Variants in CEP290 observed in about 807,000 individuals in gnomAD.
CEP290 encodes centrosomal protein 290.
A neutral mutation model predicts 344.9 loss-of-function variants in CEP290; 317 were observed. The observed-to-expected ratio is 0.92, with a 90% CI of 0.84 to 1.01. The LOEUF is 1.01. Ranked by LOEUF, CEP290 falls within the 50% of genes least tolerant of loss-of-function variation. The probability of loss-of-function intolerance (pLI) is 0.00; values close to 1 mark genes in which losing one functional copy is unlikely to be tolerated. For synonymous variants in CEP290, 932 were observed against 895.8 expected (o/e 1.04, Z -0.72); for missense variants, 2,754 against 2,761.4 (o/e 1.00, Z 0.06).
In CEP290 at chr12:88,130,344, C is replaced by G. The variant is rs761225738; in HGVS notation, c.593G>C (p.Arg198Thr). ...TGATCGGTAGTCACTGTCTTCCCCT[C>G]TTCTTGATAAAAGTGTTTCTTTCTG... ...DSQKETLLSRRGEDSDYRSQL... is the reference protein window; with the variant it reads ...DSQKETLLSRTGEDSDYRSQL... Residue 198 changes from arginine (R) to threonine (T), a missense_variant, in exon 9 of 54, where the codon AGA becomes ACA. Transcript: ENST00000552810. 1 of 1,610,168 alleles carries G rather than the reference C, an allele frequency of 6.2e-7. No individual in the cohort carries two copies. The highest frequency in any genetic ancestry group is 8.5e-7 in the Non-Finnish European group (1 of 1,178,500).
In CEP290 at chr12:88,068,568, T is replaced by G; in HGVS notation, c.6089A>C (p.His2030Pro). The G allele has an allele frequency of 6.3e-7, 1 of 1,587,590 alleles. No individual in the cohort carries two copies. Among genetic ancestry groups the G allele is most frequent in the Non-Finnish European group, 8.6e-7 (1 of 1,168,396 alleles). Residue 2030 changes from histidine (H) to proline (P), a missense_variant, in exon 44 of 54, where the codon CAT becomes CCT. His to Pro is a moderately conservative substitution (Grantham distance 77). Coordinates refer to ENST00000552810, the MANE Select transcript of CEP290 (RefSeq NM_025114.4). ...LQNRYLQEKLHALEKQFSKDT... is the reference protein window; with the variant it reads ...LQNRYLQEKLPALEKQFSKDT... ...CTTTGAAAACTGTTTTTCTAAAGCATGAAGTTTTTCTTGGAGGTATCTATT... is the reference window on the plus strand; with the variant it reads ...CTTTGAAAACTGTTTTTCTAAAGCAGGAAGTTTTTCTTGGAGGTATCTATT...
Position 88,129,759 on chromosome 12 carries a change from T to G in CEP290, c.787A>C (p.Ile263Leu). ...ATTACATTATCTGTCTGATGCACAA[T>G]AGCTTTCATTCTATTATATTCATCA... ...MTDEYNRMKAIVHQTDNVIDQ... is the reference protein window; with the variant it reads ...MTDEYNRMKALVHQTDNVIDQ... The change falls in exon 10 of 54, where the codon ATT becomes CTT. Residue 263 changes from isoleucine to leucine, a missense_variant. By Grantham distance (5) the Ile-to-Leu change is conservative. Coordinates refer to ENST00000552810, the MANE Select transcript of CEP290 (RefSeq NM_025114.4). The G allele has an allele frequency of 6.7e-7, 1 of 1,489,806 alleles. No homozygotes were observed. Among genetic ancestry groups the G allele is most frequent in the South Asian group, 1.3e-5 (1 of 77,968 alleles). 92.3% of individuals were successfully genotyped at this position (1,489,806 alleles called of 1,614,324 possible).
intron 15 of CEP290, 106 bp from the exon 16 acceptor site, chr12:88,118,849 C>T: frequency 3.1e-6 from 2 of 652,204 alleles, no homozygotes; most frequent in Non-Finnish European, 4.9e-6. Context: ...GCCAGTATCA[C>T]TGAAGAATGA....
At chr12:88,059,552 C>T (rs1332694455) in intron 48 of CEP290, among the ~76,000 whole-genome samples, 3 of 152,038 alleles carry the variant, frequency 2.0e-5, no homozygotes, top group South Asian at 2.1e-4. Context: ...GGACTACAGG[C>T]GCCCGCCACC....
Position 88,120,993 on chromosome 12 carries a change from A to G in CEP290, c.1359+4T>C. 1 of 1,607,336 alleles carries G rather than the reference A, an allele frequency of 6.2e-7. No homozygotes were observed. The highest frequency in any genetic ancestry group is 8.5e-7 in the Non-Finnish European group (1 of 1,178,002). On this transcript the variant is annotated splice_donor_region_variant and intron_variant, in intron 14 of 53. Transcript: ENST00000552810. Reference sequence around the variant, plus strand: ...TCCTTGAATGACAAGATAAAAATACATACCGATTCATAATCTTTTAACCTC... The same window carrying G: ...TCCTTGAATGACAAGATAAAAATACGTACCGATTCATAATCTTTTAACCTC...
chr12:88,055,598 T>C lies in CEP290; in HGVS notation c.6938A>G (p.Tyr2313Cys). Reference sequence around the variant, plus strand: ...TACCTGTTGTTCAAGGTCTTCATTGTATTTGTTAACTTTTTGTTCTCTCTC... The same window carrying C: ...TACCTGTTGTTCAAGGTCTTCATTGCATTTGTTAACTTTTTGTTCTCTCTC... ...ATEREQKVNK[Y>C]NEDLEQQIKI... The change falls in exon 50 of 54, where the codon TAC becomes TGC. Residue 2313 changes from tyrosine (Y) to cysteine (C), a missense_variant. Physicochemically the swap from Tyr to Cys is radical, Grantham distance 194 (BLOSUM62 -2). Transcript: ENST00000552810. The C allele has an allele frequency of 6.3e-7, 1 of 1,580,964 alleles. No homozygotes were observed. Among genetic ancestry groups the C allele is most frequent in the Non-Finnish European group, 8.6e-7 (1 of 1,163,274 alleles).
rs192835210 is a variant in CEP290 at position 88,049,564 on chromosome 12, G to T, written c.7210-150C>A. ...GGCAGAAGAATTAAGATTTTTCTTTGTTCCATTGTACAGTGTAAATAACTA... is the reference window on the plus strand; with the variant it reads ...GGCAGAAGAATTAAGATTTTTCTTTTTTCCATTGTACAGTGTAAATAACTA... On this transcript the variant is annotated intron_variant, in intron 53 of 53. Transcript: ENST00000552810. The T allele has an allele frequency of 5.1e-4, 297 of 587,750 alleles. 2 individuals carry two copies. Among genetic ancestry groups the T allele is most frequent in the African/African-American group, 4.9e-3 (260 of 52,930 alleles). 36.4% of individuals were successfully genotyped at this position (587,750 alleles called of 1,614,324 possible).
intron 51 of CEP290, 55 bp downstream of exon 51, chr12:88,054,285 A>G: frequency 8.5e-7 from 1 of 1,180,462 alleles, no homozygotes. Context: ...TATAAAAACT[A>G]ATAATTTTTT....
At chr12:88,060,152 A>C in intron 47 of CEP290, 132 bp from the exon 48 acceptor site, 1 of 804,022 alleles carries the variant, frequency 1.2e-6, no homozygotes, top group Middle Eastern at 3.7e-4. Context: ...TAAAGTCTTC[A>C]TTTGAATATT....
Position 88,120,287 on chromosome 12 carries a change from T to C in CEP290, c.1360-11A>G, listed in dbSNP as rs1190370620. ...TAAACCATATACTCCCTGAAAAATA[T>C]CCAATTTAATTTAAAATATAACATG... is the stretch of plus-strand genomic sequence containing the variant. On this transcript the variant is annotated splice_polypyrimidine_tract_variant and intron_variant, in intron 14 of 53. Coordinates refer to ENST00000552810, the MANE Select transcript of CEP290 (RefSeq NM_025114.4). 1 of 1,233,518 alleles carries C rather than the reference T, an allele frequency of 8.1e-7. No homozygotes were observed. Among genetic ancestry groups the C allele is most frequent in the South Asian group, 2.0e-5 (1 of 49,116 alleles). 76.4% of individuals were successfully genotyped at this position (1,233,518 alleles called of 1,614,324 possible). A position where few individuals can be genotyped will look rare whatever the true frequency, so the allele number is the denominator to read the frequency against.
chr12:88,089,314 G>A lies in CEP290; in HGVS notation c.3747C>T (p.Leu1249=), dbSNP rs779178851. ...TTCTTCCCTCCAAACGAGCATAATA[G>A]AGAGCCTGTTCTTTTTCATCAAGTT... The part of the protein sequence containing the change: ...EQKLDEKEQA[L]YYARLEGRNR... Residue 1249 remains leucine, a synonymous_variant, in exon 31 of 54, where the codon CTC becomes CTT. Transcript: ENST00000552810. The A allele has an allele frequency of 1.4e-5, 22 of 1,613,820 alleles. No homozygotes were observed. The highest frequency in any genetic ancestry group is 3.3e-5 in the Admixed American group (2 of 59,992).
At chr12:88,099,173 G>A (rs142916072) in intron 26 of CEP290, among the ~76,000 whole-genome samples, 4 of 152,238 alleles carry the variant, frequency 2.6e-5, no homozygotes, top group African/African-American at 9.6e-5. Flanking sequence ...CGAGGATGAA[G>A]AAGACACACA....
chr12:88,078,655 G>C (rs1360991455), intron 39 of CEP290, among the ~76,000 whole-genome samples: 1 of 152,022 alleles, frequency 6.6e-6, no homozygotes, highest in Admixed American at 6.6e-5. Context: ...AGCTAAAATA[G>C]AGGTAAACTT....
intron 18 of CEP290, 86 bp downstream of exon 18, chr12:88,116,947 C>G: frequency 1.5e-6 from 1 of 672,888 alleles, no homozygotes; most frequent in South Asian, 1.8e-5. Flanking sequence ...GCACTCCAGC[C>G]TGGGAGACAG....
At chr12:88,054,054 A>C (rs1405520701) in intron 51 of CEP290, among the ~76,000 whole-genome samples, 1 of 152,196 alleles carries the variant, frequency 6.6e-6, no homozygotes, top group East Asian at 1.9e-4. Flanking sequence ...CTCTTTCATT[A>C]GTATTTTCCT....
At position 88,141,213 on chromosome 12, in the gene CEP290, A is replaced by G. The variant is rs1390112820; in HGVS notation, c.95T>C (p.Leu32Ser). 30 of 1,607,462 alleles carry G rather than the reference A, an allele frequency of 1.9e-5. No homozygotes were observed. The highest frequency in any genetic ancestry group is 2.4e-5 in the Non-Finnish European group (28 of 1,177,070). ...TATTGACCAATTAAGCACCTTGGATAAGGAAATCAATAAATTATCTGCCAG... is the reference window on the plus strand; with the variant it reads ...TATTGACCAATTAAGCACCTTGGATGAGGAAATCAATAAATTATCTGCCAG... ...EELADNLLIS[L>S]SKVEVNELKS... is the part of the protein sequence containing the mutation. The change falls in exon 2 of 54, where the codon TTA becomes TCA. Residue 32 changes from leucine to serine, a missense_variant. Coordinates refer to ENST00000552810, the MANE Select transcript of CEP290 (RefSeq NM_025114.4).
intron 19 of CEP290, 82 bp from the exon 20 acceptor site, chr12:88,114,644 C>T: frequency 8.8e-7 from 1 of 1,133,708 alleles, no homozygotes; most frequent in Non-Finnish European, 1.2e-6. Flanking sequence ...AAATATTTCA[C>T]ATATACCAAA....
chr12:88,137,961 C>T (rs1275821537), intron 5 of CEP290, among the ~76,000 whole-genome samples: 1 of 152,192 alleles, frequency 6.6e-6, no homozygotes, highest in Non-Finnish European at 1.5e-5. Context: ...CCGCAAAATG[C>T]ACTGGGAATT....
intron 26 of CEP290, among the ~76,000 whole-genome samples, chr12:88,099,265 G>A (rs998911002): frequency 6.6e-6 from 1 of 152,074 alleles, no homozygotes; most frequent in Admixed American, 6.6e-5. Flanking sequence ...TGACTAGCTG[G>A]TTAGGTAACT....
Sources: allele counts gnomAD v4.1 joint callset (sites outside exome capture counted in the v4.1 genomes callset), GRCh38; gene constraint gnomAD v4.1.1; transcripts MANE v1.5; gene names NCBI Gene and HGNC (gene_info 2026-07-23, HGNC 2026-07-21).